Variants in ITGA9 observed in about 807,000 individuals in gnomAD.
ITGA9 encodes integrin subunit alpha 9, also known as integrin alpha-9.
A neutral mutation model predicts 127.8 loss-of-function variants in ITGA9; 56 were observed. The observed-to-expected ratio is 0.44, with a 90% confidence interval of 0.35 to 0.55. The LOEUF (loss-of-function observed/expected upper bound fraction) is 0.55, where lower values mean the gene tolerates loss of function less well. Among genes scored for constraint, ITGA9 ranks in the 20% least tolerant of loss-of-function variants. The probability of loss-of-function intolerance (pLI) is 0.00; values close to 1 mark genes in which losing one functional copy is unlikely to be tolerated. For synonymous variants in ITGA9, 508 were observed against 514.5 expected (o/e 0.99, Z 0.17); for missense variants, 1,196 against 1,347.1 (o/e 0.89, Z 1.76).
intron 3 of ITGA9, among the ~76,000 whole-genome samples, chr3:37,478,806 A>C (rs911145875): frequency 2.0e-5 from 3 of 152,208 alleles, no homozygotes; most frequent in African/African-American, 7.2e-5. Flanking sequence ...TTCCTTTGAC[A>C]CTTTGATCTC....
In ITGA9 at chr3:37,619,009, G is replaced by T. The variant is rs139247528; in HGVS notation, c.1690-10178G>T. 3.7e-3 allele frequency among the ~76,000 whole-genome samples: 570 copies of T among 152,288 alleles called. 6 individuals are homozygous for T. Among genetic ancestry groups the T allele is most frequent in the African/African-American group, 0.013 (536 of 41,564 alleles). On this transcript the variant is annotated intron_variant, in intron 15 of 27. Transcript: ENST00000264741. ...GACACTCCCCAGTGAGGTGAACCCA[G>T]TACCTCAGTTGGAAATGCAGAAATC... is the stretch of plus-strand genomic sequence containing the variant.
chr3:37,485,114 G>C (rs896488481), intron 4 of ITGA9, among the ~76,000 whole-genome samples: 1 of 152,170 alleles, frequency 6.6e-6, no homozygotes, highest in Admixed American at 6.5e-5. Flanking sequence ...TTTAAAAGTG[G>C]GAGGGCCGTG....
chr3:37,704,055 CT>C (rs560986172), intron 18 of ITGA9, among the ~76,000 whole-genome samples: 137 of 152,254 alleles, frequency 9.0e-4, no homozygotes, highest in Non-Finnish European at 1.7e-3. Flanking sequence ...CATAAAGAGG[CT>C]TATTTACATG....
rs145387534 is a variant in ITGA9, at chr3:37,629,673, G to A, written c.1839+337G>A. Among the ~76,000 whole-genome samples, 380 of 152,298 alleles carry A rather than the reference G, an allele frequency of 2.5e-3. 1 individual carries two copies. Among genetic ancestry groups the A allele is most frequent in the African/African-American group, 8.6e-3 (357 of 41,562 alleles). ...CAGAGCTTAGATTGGTGGATAGTAG[G>A]TGCTTAATGAATGTTTTATTGGTGG... On this transcript the variant is annotated intron_variant, in intron 16 of 27. Coordinates refer to ENST00000264741, the MANE Select transcript of ITGA9 (RefSeq NM_002207.3). The surrounding 1 kb of genome is among the most constrained non-coding windows in gnomAD (Gnocchi z 4.5).
At chr3:37,763,362 G>A (rs9854372) in intron 23 of ITGA9, among the ~76,000 whole-genome samples, 61,222 of 151,988 alleles carry the variant, frequency 0.4, 13,970 homozygotes, top group African/African-American at 0.63. Context: ...TTTGCCCATG[G>A]AGTCCTTGCC....
intron 17 of ITGA9, among the ~76,000 whole-genome samples, chr3:37,660,386 C>G (rs540550016): frequency 6.6e-6 from 1 of 152,334 alleles, no homozygotes; most frequent in Non-Finnish European, 1.5e-5. Context: ...AAAATGTTCA[C>G]TTGCTCCAAG....
At position 37,814,064 on chromosome 3, in the gene ITGA9, A is replaced by G. The variant is rs1697400482; in HGVS notation, c.3010-4827A>G. 6.6e-6 allele frequency among the ~76,000 whole-genome samples: 1 copy of G among 152,184 alleles called. No homozygotes were observed. The highest frequency in any genetic ancestry group is 1.5e-5 in the Non-Finnish European group (1 of 68,034). Reference sequence around the variant, plus strand: ...AAAAAATTTCTCAAAAATCTTTGAGAAAAATTGAGATGGGACAAAGACTCT... The same window carrying G: ...AAAAAATTTCTCAAAAATCTTTGAGGAAAATTGAGATGGGACAAAGACTCT... On this transcript the variant is annotated intron_variant, in intron 27 of 27. Coordinates refer to ENST00000264741, the MANE Select transcript of ITGA9 (RefSeq NM_002207.3). The surrounding 1 kb of genome is among the most constrained non-coding windows in gnomAD (Gnocchi z 4.3).
chr3:37,497,477 C>G (rs1423088516), intron 5 of ITGA9, among the ~76,000 whole-genome samples: 1 of 152,098 alleles, frequency 6.6e-6, no homozygotes, highest in African/African-American at 2.4e-5. Context: ...ATATTTTATA[C>G]TTATATTTTC....
chr3:37,591,440 G>A (rs1411978765), intron 15 of ITGA9, among the ~76,000 whole-genome samples: 1 of 152,180 alleles, frequency 6.6e-6, no homozygotes, highest in East Asian at 1.9e-4. Context: ...GTGCCCCCCT[G>A]GCTGTATATT....
chr3:37,766,782 G>A, intron 23 of ITGA9, among the ~76,000 whole-genome samples: 1 of 152,126 alleles, frequency 6.6e-6, no homozygotes, highest in Non-Finnish European at 1.5e-5. Flanking sequence ...CATTATCTGT[G>A]GAAGGAAAAC....
intron 15 of ITGA9, among the ~76,000 whole-genome samples, chr3:37,615,538 A>G (rs1044442523): frequency 6.6e-6 from 1 of 152,182 alleles, no homozygotes; most frequent in Non-Finnish European, 1.5e-5. Flanking sequence ...TTCAGAAGGA[A>G]TAGTCCCAGC....
At chr3:37,515,099 T>C (rs1000975541) in intron 9 of ITGA9, among the ~76,000 whole-genome samples, 1 of 152,150 alleles carries the variant, frequency 6.6e-6, no homozygotes, top group African/African-American at 2.4e-5. Flanking sequence ...ATGAAAACAT[T>C]CTGGTGCCGC....
chr3:37,469,365 G>A (rs866008365), intron 1 of ITGA9, among the ~76,000 whole-genome samples: 1 of 152,094 alleles, frequency 6.6e-6, no homozygotes, highest in Non-Finnish European at 1.5e-5. Context: ...TTTCCTATTT[G>A]CCCCTAAATG....
chr3:37,561,637 C>G (rs1699489207), intron 15 of ITGA9, among the ~76,000 whole-genome samples: 1 of 152,188 alleles, frequency 6.6e-6, no homozygotes. Context: ...TCCAGCATTT[C>G]AGAAAGCCTG....
intron 20 of ITGA9, among the ~76,000 whole-genome samples, chr3:37,740,887 T>C (rs1696424667): frequency 6.6e-6 from 1 of 152,158 alleles, no homozygotes; most frequent in African/African-American, 2.4e-5. Context: ...CGATGCCTGA[T>C]CTACCCCCAT....
At chr3:37,724,596 A>G (rs931351176) in intron 18 of ITGA9, among the ~76,000 whole-genome samples, 3 of 152,116 alleles carry the variant, frequency 2.0e-5, no homozygotes, top group African/African-American at 7.2e-5. Flanking sequence ...CCTGGGTCCA[A>G]GCGATTCTCC....
chr3:37,542,682 C>A, intron 15 of ITGA9, 97 bp downstream of exon 15: 2 of 1,313,224 alleles, frequency 1.5e-6, no homozygotes, highest in South Asian at 2.5e-5. Flanking sequence ...TATGTGTGCT[C>A]TTCCAAAATT....
chr3:37,814,331 C>T lies in ITGA9; in HGVS notation c.3010-4560C>T. On this transcript the variant is annotated intron_variant, in intron 27 of 27. Coordinates refer to ENST00000264741, the MANE Select transcript of ITGA9 (RefSeq NM_002207.3). This position sits in a 1 kb window ranked among gnomAD's most constrained non-coding sequence, Gnocchi z 4.3. ...CTGTAATCCCAGCACTTTGGGAGGC[C>T]AAGGCAGGCGGATCATCTGAGGTCA... 6.6e-6 allele frequency among the ~76,000 whole-genome samples: 1 copy of T among 152,180 alleles called. No individual in the cohort carries two copies. Among genetic ancestry groups the T allele is most frequent in the East Asian group, 1.9e-4 (1 of 5,194 alleles).
In ITGA9 at chr3:37,498,347, G is replaced by A. The variant is rs566903083; in HGVS notation, c.612+3779G>A. ...GATGGGAGGAGAAGCTAGATTGATG[G>A]GAGACATCAGAACTCAACGGAGATG... On this transcript the variant is annotated intron_variant, in intron 5 of 27. Coordinates refer to ENST00000264741, the MANE Select transcript of ITGA9 (RefSeq NM_002207.3). Among the ~76,000 whole-genome samples the A allele has an allele frequency of 2.0e-5, 3 of 152,226 alleles. No homozygotes were observed. In the South Asian group the frequency reaches 6.2e-4, roughly 32 times the overall value.
Sources: gnomAD v4.1 joint callset for allele counts (sites outside exome capture counted in the v4.1 genomes callset) on GRCh38, gnomAD v4.1.1 for gene constraint, Gnocchi (gnomAD v3.1) non-coding constraint, MANE v1.5 for transcripts, NCBI Gene and HGNC (gene_info 2026-07-23, HGNC 2026-07-21) for gene names.